NFIA: variants seen among roughly 807,000 people sequenced by gnomAD.
NFIA encodes the protein nuclear factor I A, also known as nuclear factor 1 A-type.
NFIA carries 8 observed loss-of-function variants against 62.8 expected under a neutral mutation model. The observed-to-expected ratio is 0.13, with a 90% CI of 0.07 to 0.23. NFIA has a LOEUF of 0.23. NFIA is among the 10% of genes least tolerant of loss of function. The pLI is 1.00. For missense variants in NFIA, 410 were observed against 642.1 expected, an observed-to-expected ratio of 0.64 and a Z score of 3.91; for synonymous variants, 235 against 238.1, an observed-to-expected ratio of 0.99 and a Z score of 0.12.
intron 2 of NFIA, among the ~76,000 whole-genome samples, chr1:61,230,063 A>G (rs578032163): frequency 1.3e-5 from 2 of 152,322 alleles, no homozygotes; most frequent in African/African-American, 4.8e-5. Flanking sequence ...AAATGAAATT[A>G]TCACTATTTG....
chr1:61,346,063 C>T (rs910473362), intron 4 of NFIA, among the ~76,000 whole-genome samples: 15 of 152,230 alleles, frequency 9.9e-5, no homozygotes, highest in African/African-American at 3.1e-4. Flanking sequence ...AATCTCTCCC[C>T]GTCCTATACT....
chr1:61,192,329 A>C (rs530556333), intron 2 of NFIA, among the ~76,000 whole-genome samples: 1 of 152,296 alleles, frequency 6.6e-6, no homozygotes, highest in East Asian at 1.9e-4. Context: ...TCCAACAAAA[A>C]ATTTATTTTT....
chr1:61,271,292 G>A (rs1388489159), intron 2 of NFIA, among the ~76,000 whole-genome samples: 2 of 152,084 alleles, frequency 1.3e-5, no homozygotes, highest in Non-Finnish European at 2.9e-5. Context: ...AGGTGATAAG[G>A]CAGTTGACTC....
At chr1:61,189,742 C>T (rs1359324461) in intron 2 of NFIA, among the ~76,000 whole-genome samples, 1 of 152,180 alleles carries the variant, frequency 6.6e-6, no homozygotes, top group African/African-American at 2.4e-5. Flanking sequence ...AGTAAGTTCA[C>T]TGCTAGTGTT....
intron 2 of NFIA, among the ~76,000 whole-genome samples, chr1:61,258,894 A>AT (rs1350178656): frequency 6.6e-6 from 1 of 151,808 alleles, no homozygotes; most frequent in Non-Finnish European, 1.5e-5. Flanking sequence ...CACCCAGCTA[A>AT]TTTTTTTGTA....
chr1:61,383,712 A>G (rs72666667), intron 7 of NFIA, among the ~76,000 whole-genome samples: 14,611 of 152,284 alleles, frequency 0.096, 748 homozygotes, highest in Middle Eastern at 0.12. Context: ...GTGTGTGCGC[A>G]CATGCGCGTG....
At chr1:61,197,147 G>T (rs1342696502) in intron 2 of NFIA, among the ~76,000 whole-genome samples, 2 of 151,018 alleles carry the variant, frequency 1.3e-5, no homozygotes, top group Non-Finnish European at 2.9e-5. Context: ...TATTCCAGAA[G>T]AATTTCATTA....
chr1:61,211,721 A>G (rs914372560), intron 2 of NFIA, among the ~76,000 whole-genome samples: 6 of 152,172 alleles, frequency 3.9e-5, no homozygotes, highest in Admixed American at 3.9e-4. Context: ...TTTTCGAGAC[A>G]AAGTCTGGCT....
intron 2 of NFIA, among the ~76,000 whole-genome samples, chr1:61,112,918 A>G (rs1646729199): frequency 6.6e-6 from 1 of 152,096 alleles, no homozygotes; most frequent in African/African-American, 2.4e-5. Flanking sequence ...TTTATTGTTA[A>G]TTTTTATAGT....
At chr1:61,433,158 C>T (rs757754462) in intron 10 of NFIA, among the ~76,000 whole-genome samples, 7 of 152,126 alleles carry the variant, frequency 4.6e-5, no homozygotes, top group African/African-American at 1.7e-4. Flanking sequence ...GAAGTTAGTC[C>T]CAGTGCTCCC....
chr1:61,126,193 A>T (rs749647951), intron 2 of NFIA, among the ~76,000 whole-genome samples: 9 of 152,162 alleles, frequency 5.9e-5, no homozygotes, highest in Admixed American at 3.3e-4. Flanking sequence ...GCCTCTCAGG[A>T]TGAGGGAGAG....
In NFIA at chr1:61,248,925, G is replaced by C. The variant is rs1570449160; in HGVS notation, c.560-28595G>C. 7 of 152,246 alleles carry C rather than the reference G, an allele frequency of 4.6e-5. No homozygotes were observed. The South Asian group carries it at 1.5e-3, about 32-fold the overall frequency. 9.4% of individuals were successfully genotyped at this position (152,246 alleles called of 1,614,324 possible). On this transcript the variant is annotated intron_variant, in intron 2 of 10. Transcript: ENST00000403491. ...GGTAGCATCTCATGGTCCCTGTAGGGATATATTATTAGAAGAACATGCATA... is the reference window on the plus strand; with the variant it reads ...GGTAGCATCTCATGGTCCCTGTAGGCATATATTATTAGAAGAACATGCATA...
intron 2 of NFIA, among the ~76,000 whole-genome samples, chr1:61,162,113 T>A (rs1365298326): frequency 6.6e-6 from 1 of 152,222 alleles, no homozygotes; most frequent in Non-Finnish European, 1.5e-5. Flanking sequence ...TACATGTATT[T>A]ATTTTTTTAA....
intron 2 of NFIA, among the ~76,000 whole-genome samples, chr1:61,158,271 T>C (rs1648947426): frequency 6.6e-6 from 1 of 152,226 alleles, no homozygotes; most frequent in Non-Finnish European, 1.5e-5. Context: ...TTACTAGATG[T>C]GCATCTTTCT....
At chr1:61,372,642 G>T (rs1663955204) in intron 6 of NFIA, among the ~76,000 whole-genome samples, 1 of 151,102 alleles carries the variant, frequency 6.6e-6, no homozygotes, top group Admixed American at 6.6e-5. Context: ...GTAGTTGTGT[G>T]ATTTACATAA....
chr1:61,143,216 G>C (rs2100509357), intron 2 of NFIA, among the ~76,000 whole-genome samples: 1 of 152,104 alleles, frequency 6.6e-6, no homozygotes, highest in East Asian at 1.9e-4. Context: ...ACAGTCAGTG[G>C]CATGCTCAGT....
intron 7 of NFIA, among the ~76,000 whole-genome samples, chr1:61,390,656 T>C (rs999745855): frequency 1.3e-5 from 2 of 152,106 alleles, no homozygotes; most frequent in South Asian, 2.1e-4. Context: ...TTTCAGGAAG[T>C]TGGGGTCACC....
At chr1:61,326,200 C>G (rs1660926366) in intron 3 of NFIA, among the ~76,000 whole-genome samples, 1 of 152,066 alleles carries the variant, frequency 6.6e-6, no homozygotes, top group Non-Finnish European at 1.5e-5. Flanking sequence ...TGCTACTGCC[C>G]TTTAACTCTA....
intron 9 of NFIA, among the ~76,000 whole-genome samples, chr1:61,425,206 G>A (rs1666811436): frequency 6.6e-6 from 1 of 152,106 alleles, no homozygotes; most frequent in Non-Finnish European, 1.5e-5. Flanking sequence ...CAACCAACAG[G>A]GTCTGGGCCA....
Sources: gnomAD v4.1 joint callset for allele counts (sites outside exome capture counted in the v4.1 genomes callset) on GRCh38, gnomAD v4.1.1 for gene constraint, MANE v1.5 for transcripts, NCBI Gene and HGNC (gene_info 2026-07-23, HGNC 2026-07-21) for gene names.